Variants in AVEN observed in about 807,000 individuals in gnomAD.
AVEN encodes cell death regulator Aven.
A neutral mutation model predicts 38.1 loss-of-function variants in AVEN; 41 were observed. The ratio of observed to expected loss-of-function variants is 1.08; its 90% CI spans 0.84 to 1.40. AVEN has a LOEUF of 1.40. AVEN is among the 40% of genes most tolerant of loss of function. AVEN has a pLI of 0.00. For synonymous variants in AVEN, 206 were observed against 171.8 expected (o/e 1.20, Z -1.56); for missense variants, 605 against 438.8 (o/e 1.38, Z -3.38).
intron 5 of AVEN, among the ~76,000 whole-genome samples, chr15:34,055,836 A>G (rs947558704): frequency 2.0e-5 from 3 of 152,160 alleles, no homozygotes; most frequent in Non-Finnish European, 2.9e-5. Flanking sequence ...AAATAAACAA[A>G]TAAATAAAAT....
intron 2 of AVEN, chr15:33,972,242 G>A (rs529869838): frequency 3.3e-5 from 5 of 152,060 alleles, no homozygotes; most frequent in Non-Finnish European, 7.4e-5. Flanking sequence ...AGACAGTCAT[G>A]AAAGAGGCCC....
intron 2 of AVEN, among the ~76,000 whole-genome samples, chr15:33,961,192 A>G (rs779049849): frequency 2.6e-5 from 4 of 151,790 alleles, no homozygotes; most frequent in Non-Finnish European, 5.9e-5. Context: ...ACAGAGACAG[A>G]GTCTCACTAT....
intron 1 of AVEN, among the ~76,000 whole-genome samples, chr15:34,015,058 G>GC (rs1471393530): frequency 3.9e-4 from 59 of 152,254 alleles, no homozygotes; most frequent in African/African-American, 1.2e-3. Flanking sequence ...GTCCTTAACA[G>GC]TGTGTCTCCC....
Position 33,866,399 on chromosome 15 carries a change from T to C in AVEN, c.*214A>G. The C allele has an allele frequency of 1.7e-6, 1 of 576,184 alleles. No homozygotes were observed. The allele number at this position is 576,184 out of a possible 1,614,324, so 35.7% of individuals were successfully genotyped here. A position where few individuals can be genotyped will look rare whatever the true frequency, so the allele number is the denominator to read the frequency against. On this transcript the variant is annotated 3_prime_UTR_variant, in exon 6 of 6. Coordinates refer to ENST00000306730, the MANE Select transcript of AVEN (RefSeq NM_020371.3). ...TATCTCCTGCCCTTAAGGAAATCTA[T>C]TAGATTACTAAGCCAGAAAAACAAA...
chr15:33,990,499 A>G (rs570237411), intron 2 of AVEN, among the ~76,000 whole-genome samples: 186 of 152,378 alleles, frequency 1.2e-3, no homozygotes, highest in African/African-American at 4.3e-3. Context: ...TATCTGGAAT[A>G]CAACTTAAAC....
intron 11 of AVEN, chr15:33,859,558 T>C (rs758429799): frequency 2.5e-6 from 4 of 1,613,480 alleles, no homozygotes; most frequent in Non-Finnish European, 3.4e-6. Context: ...TAAATCCCCC[T>C]TATTTTTCTT....
chr15:33,857,842 C>T (rs754520283), downstream of AVEN: 6 of 1,614,054 alleles, frequency 3.7e-6, no homozygotes, highest in South Asian at 3.3e-5. Flanking sequence ...TGGCTTTCAA[C>T]TTCTTCCGCA....
At chr15:33,970,912 TCAGCATCAATCC>T (rs1380478187) in intron 2 of AVEN, among the ~76,000 whole-genome samples, 1 of 151,986 alleles carries the variant, frequency 6.6e-6, no homozygotes, top group Non-Finnish European at 1.5e-5. Flanking sequence ...TTGGTCCTTG[TCAGCATCAATCC>T]CAGTGAATTT....
At chr15:34,011,607 A>G (rs77241407) in intron 1 of AVEN, among the ~76,000 whole-genome samples, 295 of 152,304 alleles carry the variant, frequency 1.9e-3, no homozygotes, top group Non-Finnish European at 2.9e-3. Flanking sequence ...CAGTATATGG[A>G]AAAAGCAGAG....
intron 5 of AVEN, among the ~76,000 whole-genome samples, chr15:34,047,253 AT>A (rs1324289050): frequency 1.3e-5 from 2 of 151,852 alleles, no homozygotes; most frequent in Non-Finnish European, 2.9e-5. Context: ...AACTTTTTGT[AT>A]TTTTAGTAGA....
intron 5 of AVEN, among the ~76,000 whole-genome samples, chr15:34,049,224 T>C (rs1899839557): frequency 1.3e-5 from 2 of 152,178 alleles, no homozygotes; most frequent in South Asian, 4.1e-4. Context: ...TTGACAGAAC[T>C]AGGCTTCTGA....
chr15:33,865,105 A>T (rs1454136470), downstream of AVEN: 1 of 1,563,204 alleles, frequency 6.4e-7, no homozygotes, highest in South Asian at 1.1e-5. Flanking sequence ...TTTAAAAATA[A>T]GCACCCGTTG....
chr15:34,027,085 G>A (rs571065831), intron 1 of AVEN, among the ~76,000 whole-genome samples: 1 of 152,274 alleles, frequency 6.6e-6, no homozygotes, highest in East Asian at 1.9e-4. Flanking sequence ...GACAAAAATT[G>A]TCAACATATA....
intron 2 of AVEN, among the ~76,000 whole-genome samples, chr15:33,961,094 G>A (rs1895143035): frequency 6.6e-6 from 1 of 152,108 alleles, no homozygotes. Context: ...TCGACCTCCT[G>A]GGTTCAAGCA....
At chr15:33,980,050 A>C (rs1896066116) in intron 2 of AVEN, among the ~76,000 whole-genome samples, 1 of 152,228 alleles carries the variant, frequency 6.6e-6, no homozygotes, top group Non-Finnish European at 1.5e-5. Context: ...ATAACAAGGG[A>C]GAAGATTTAA....
At chr15:33,935,253 G>A (rs186620363) in intron 2 of AVEN, among the ~76,000 whole-genome samples, 7 of 152,152 alleles carry the variant, frequency 4.6e-5, no homozygotes, top group African/African-American at 1.7e-4. Flanking sequence ...AAAATTCGAG[G>A]CATCTCAGGC....
chr15:33,955,523 T>C (rs553746308), intron 2 of AVEN, among the ~76,000 whole-genome samples: 5 of 152,334 alleles, frequency 3.3e-5, no homozygotes, highest in African/African-American at 9.6e-5. Context: ...CAAGCAGTTA[T>C]CTATTTACCT....
At chr15:34,041,121 C>T (rs1004656967), upstream of AVEN, among the ~76,000 whole-genome samples, 2 of 151,940 alleles carry the variant, frequency 1.3e-5, no homozygotes, top group African/African-American at 2.4e-5. Context: ...CATTTTGTGG[C>T]GGTAGCTTAT....
intron 2 of AVEN, among the ~76,000 whole-genome samples, chr15:33,917,950 T>C (rs1184311169): frequency 6.6e-6 from 1 of 152,172 alleles, no homozygotes; most frequent in African/African-American, 2.4e-5. Context: ...TCCCTAAAAA[T>C]TTATTGAAAT....
Sources: gnomAD v4.1 joint callset for allele counts (sites outside exome capture counted in the v4.1 genomes callset) on GRCh38, gnomAD v4.1.1 for gene constraint, MANE v1.5 for transcripts, NCBI Gene and HGNC (gene_info 2026-07-23, HGNC 2026-07-21) for gene names.